Variants in ADGRV1 observed in about 807,000 individuals in gnomAD.
The protein encoded by ADGRV1 is G-protein coupled receptor 98.
Under a neutral mutation model 596.2 loss-of-function variants are expected in ADGRV1, and 359 were observed. The observed-to-expected ratio is 0.60, with a 90% CI of 0.55 to 0.66. The LOEUF (loss-of-function observed/expected upper bound fraction) is 0.66. ADGRV1 is among the 30% of genes least tolerant of loss of function. The probability of loss-of-function intolerance (pLI) is 0.00; values close to 1 mark genes in which losing one functional copy is unlikely to be tolerated. For synonymous variants in ADGRV1, 2,681 were observed against 2,679.2 expected, an observed-to-expected ratio of 1.00 and a Z score of -0.02; for missense variants, 7,274 against 7,575.6, an observed-to-expected ratio of 0.96 and a Z score of 1.48.
intron 11 of ADGRV1, among the ~76,000 whole-genome samples, chr5:90,639,889 A>G (rs1012644613): frequency 1.3e-5 from 2 of 152,192 alleles, no homozygotes; most frequent in African/African-American, 4.8e-5. Context: ...ACAATATTGC[A>G]ATGAAAATAG....
rs563638640 is a variant in ADGRV1 at position 91,025,633 on chromosome 5, G to A, written c.18152+40111G>A. On this transcript the variant is annotated intron_variant, in intron 85 of 89. Transcript: ENST00000405460. ...AAAAGACATAGCCGGTAGAGTACCC[G>A]TCTCCCCACCCTTCTGCTGCACATT... is the stretch of plus-strand genomic sequence containing the variant. Among the ~76,000 whole-genome samples, 7 of 152,206 alleles carry A rather than the reference G, an allele frequency of 4.6e-5. No individual in the cohort carries two copies. In the South Asian group the frequency reaches 6.2e-4, roughly 14 times the overall value.
chr5:90,577,655 AAGTC>A (rs1757412641), intron 1 of ADGRV1, among the ~76,000 whole-genome samples: 1 of 152,238 alleles, frequency 6.6e-6, no homozygotes, highest in Non-Finnish European at 1.5e-5. Context: ...TCTGTGAAGA[AAGTC>A]AGTGGTAGCT....
chr5:90,915,600 G>C (rs541299605), intron 83 of ADGRV1, among the ~76,000 whole-genome samples: 2 of 152,184 alleles, frequency 1.3e-5, no homozygotes, highest in African/African-American at 4.8e-5. Flanking sequence ...GTGGAAAGAG[G>C]GTGGGAACAA....
chr5:90,589,973 CA>C (rs1335622250), intron 1 of ADGRV1, among the ~76,000 whole-genome samples: 1 of 152,048 alleles, frequency 6.6e-6, no homozygotes, highest in African/African-American at 2.4e-5. Flanking sequence ...TATATTTGTA[CA>C]TTTTTTTCTA....
chr5:91,046,585 C>T (rs1785834940), intron 85 of ADGRV1, among the ~76,000 whole-genome samples: 1 of 152,012 alleles, frequency 6.6e-6, no homozygotes, highest in Non-Finnish European at 1.5e-5. Context: ...CGTTGGAAAA[C>T]CCCTTCTACG....
At chr5:90,738,502 G>T (rs1202196299) in intron 50 of ADGRV1, among the ~76,000 whole-genome samples, 3 of 152,096 alleles carry the variant, frequency 2.0e-5, no homozygotes, top group Non-Finnish European at 4.4e-5. Context: ...AGGCCGAGTG[G>T]TAACAAACTC....
chr5:90,672,108 C>T (rs1045539602), intron 21 of ADGRV1, among the ~76,000 whole-genome samples: 3 of 151,538 alleles, frequency 2.0e-5, no homozygotes, highest in Non-Finnish European at 1.5e-5. Context: ...TGTCATGTTC[C>T]ACCCTCTACC....
chr5:90,978,486 T>C (rs1209661991), intron 84 of ADGRV1, among the ~76,000 whole-genome samples: 1 of 151,968 alleles, frequency 6.6e-6, no homozygotes, highest in Non-Finnish European at 1.5e-5. Context: ...AAAATATAGT[T>C]AGGATGAATA....
rs1747268871 is a variant in ADGRV1, at chr5:90,696,985, C to T, written c.7994C>T (p.Pro2665Leu). 6.2e-7 allele frequency: 1 copy of T among 1,612,928 alleles called. No individual in the cohort carries two copies. Among genetic ancestry groups the T allele is most frequent in the East Asian group, 2.2e-5 (1 of 44,854 alleles). Reference sequence around the variant, plus strand: ...TTAACCATCTTGGATGACTCTGAACCAGAGGATGACGAAAGTATCATAGTT... The same window carrying T: ...TTAACCATCTTGGATGACTCTGAACTAGAGGATGACGAAAGTATCATAGTT... ...VILTILDDSE[P>L]EDDESIIVSL... Residue 2665 changes from proline (P) to leucine (L), a missense_variant, in exon 34 of 90, where the codon CCA (proline) becomes CTA (leucine). Coordinates refer to ENST00000405460, the MANE Select transcript of ADGRV1 (RefSeq NM_032119.4).
intron 83 of ADGRV1, among the ~76,000 whole-genome samples, chr5:90,872,423 T>TTGTGTGTGTGTGTG (rs55743704): frequency 1.3e-4 from 19 of 147,338 alleles, no homozygotes; most frequent in Non-Finnish European, 2.8e-4. Context: ...TGGTATGAGC[T>TTGTGTGTGTGTGTG]TGTGTGTGTG....
rs189984338 is a variant in ADGRV1 at position 90,831,123 on chromosome 5, C to T, written c.16611+1937C>T. On this transcript the variant is annotated intron_variant, in intron 77 of 89. Transcript: ENST00000405460. ...TGAACTGGAACTAAACCATTGACCT[C>T]CTTTGGTCTTCAGCCTGTGAAATCA... Among the ~76,000 whole-genome samples the T allele has an allele frequency of 5.3e-5, 8 of 152,204 alleles. No homozygotes were observed. In the East Asian group the frequency reaches 7.7e-4, roughly 15 times the overall value.
At chr5:90,870,245 T>A (rs989270839) in intron 83 of ADGRV1, among the ~76,000 whole-genome samples, 20 of 152,308 alleles carry the variant, frequency 1.3e-4, no homozygotes, top group African/African-American at 4.3e-4. Context: ...TGGCACTGAA[T>A]TTAGTGATTT....
intron 14 of ADGRV1, among the ~76,000 whole-genome samples, chr5:90,644,381 TG>T (rs1335100078): frequency 6.6e-6 from 1 of 152,240 alleles, no homozygotes; most frequent in Non-Finnish European, 1.5e-5. Context: ...TGCAGCTTCC[TG>T]TAACTGCTTT....
intron 83 of ADGRV1, among the ~76,000 whole-genome samples, chr5:90,874,344 T>A (rs2150512879): frequency 6.6e-6 from 1 of 152,286 alleles, no homozygotes; most frequent in South Asian, 2.1e-4. Flanking sequence ...CACCTCAGAG[T>A]GGCCTCCGCA....
At position 90,651,584 on chromosome 5, in the gene ADGRV1, C is replaced by G; in HGVS notation, c.3290-20C>G. ...GTTAGCTACTTCTTTGTTATTTTGT[C>G]TTTTCCACTTTTAATTTAGGTGATA... On this transcript the variant is annotated intron_variant, in intron 17 of 89. Transcript: ENST00000405460. 1 of 1,430,738 alleles carries G rather than the reference C, an allele frequency of 7.0e-7. No individual in the cohort carries two copies. The allele number at this position is 1,430,738 out of a possible 1,614,324, so 88.6% of individuals were successfully genotyped here. A position where few individuals can be genotyped will look rare whatever the true frequency, so the allele number is the denominator to read the frequency against.
In ADGRV1 at chr5:90,581,762, C is replaced by A. The variant is rs369818079; in HGVS notation, c.22+22845C>A. On this transcript the variant is annotated intron_variant, in intron 1 of 89. Transcript: ENST00000405460. The stretch of plus-strand genomic sequence containing the variant: ...GAGCTCAAATGCCGTGCTGGGTGAA[C>A]CACTGCTCTCTTCAGAGCTGTCAGA... Among the ~76,000 whole-genome samples the A allele has an allele frequency of 5.9e-5, 9 of 152,276 alleles. No individual in the cohort carries two copies. In the East Asian group the frequency reaches 1.4e-3, roughly 23 times the overall value.
chr5:90,598,190 C>T (rs929012501), intron 1 of ADGRV1, among the ~76,000 whole-genome samples: 1 of 152,148 alleles, frequency 6.6e-6, no homozygotes, highest in Non-Finnish European at 1.5e-5. Flanking sequence ...ATGTTTACTG[C>T]GGTATACCCA....
In ADGRV1 at chr5:90,694,466, A is replaced by G. The variant is rs1016600019; in HGVS notation, c.7710A>G (p.Ile2570Met). 8 of 1,613,850 alleles carry G rather than the reference A, an allele frequency of 5.0e-6. No individual in the cohort carries two copies. The highest frequency in any genetic ancestry group is 2.7e-5 in the African/African-American group (2 of 74,928). ...AGCCAAATATTTCTACAGTTGTCAT[A>G]GCACTAAATGGTGATGCCTTTGGAG... ...IGQPNISTVV[I>M]ALNGDAFGVF... The change falls in exon 33 of 90, where the codon ATA (isoleucine) becomes ATG (methionine). Residue 2570 changes from isoleucine to methionine, a missense_variant. Around this residue, in one of 5 missense-constraint regions of ADGRV1, gnomAD observed 3,643 missense variants for 3,809.2 expected, o/e 0.96. Transcript: ENST00000405460.
intron 17 of ADGRV1, among the ~76,000 whole-genome samples, chr5:90,648,637 C>T (rs924489256): frequency 6.6e-6 from 1 of 152,186 alleles, no homozygotes; most frequent in Non-Finnish European, 1.5e-5. Flanking sequence ...ATTGTTTTAG[C>T]TGTGTCTTTC....
Sources: allele counts gnomAD v4.1 joint callset (sites outside exome capture counted in the v4.1 genomes callset), GRCh38; gene constraint gnomAD v4.1.1; regional missense constraint gnomAD v4.1.1; transcripts MANE v1.5; gene names NCBI Gene and HGNC (gene_info 2026-07-23, HGNC 2026-07-21).